The following GLCE variants were observed in gnomAD, a reference collection of about 807,000 sequenced individuals.
GLCE encodes glucuronic acid epimerase.
Under a neutral mutation model 47.9 loss-of-function variants are expected in GLCE, and 19 were observed. The observed-to-expected ratio is 0.40, with a 90% confidence interval of 0.28 to 0.58. GLCE has a LOEUF of 0.58. Ranked by LOEUF, GLCE falls within the 20% of genes least tolerant of loss-of-function variation. GLCE has a pLI of 0.48. For missense variants in GLCE, 556 were observed against 743.3 expected (o/e 0.75, Z 2.93); for synonymous variants, 245 against 263.4 (o/e 0.93, Z 0.68).
intron 1 of GLCE, among the ~76,000 whole-genome samples, chr15:69,198,743 C>CA (rs1303954995): frequency 1.3e-5 from 2 of 152,150 alleles, no homozygotes; most frequent in East Asian, 3.9e-4. Flanking sequence ...AAAATTGAGA[C>CA]AGAGTCTTAC....
chr15:69,195,440 TTG>T (rs933774388), intron 1 of GLCE, among the ~76,000 whole-genome samples: 110 of 151,648 alleles, frequency 7.3e-4, no homozygotes, highest in Non-Finnish European at 1.1e-3. Context: ...TCCTTAGAGT[TTG>T]TGTGTGTGTG....
chr15:69,208,059 G>A (rs1435744380), intron 1 of GLCE, among the ~76,000 whole-genome samples: 1 of 151,920 alleles, frequency 6.6e-6, no homozygotes, highest in African/African-American at 2.4e-5. Context: ...TGTTCCATAA[G>A]CGATTTGCAG....
At chr15:69,262,150 G>A (rs2053024262) in intron 4 of GLCE, among the ~76,000 whole-genome samples, 1 of 152,168 alleles carries the variant, frequency 6.6e-6, no homozygotes, top group Non-Finnish European at 1.5e-5. Context: ...CTTCATTGAT[G>A]ACTGTGTAAT....
intron 1 of GLCE, among the ~76,000 whole-genome samples, chr15:69,195,464 A>G (rs935680585): frequency 1.3e-5 from 2 of 152,086 alleles, no homozygotes; most frequent in Non-Finnish European, 2.9e-5. Flanking sequence ...GTTTGTGTGT[A>G]TTAACAAAAT....
chr15:69,262,220 A>G (rs2053025101), intron 4 of GLCE, among the ~76,000 whole-genome samples: 2 of 152,236 alleles, frequency 1.3e-5, no homozygotes, highest in Non-Finnish European at 2.9e-5. Context: ...TAAGTAATGA[A>G]TTTATGAGTA....
Position 69,218,220 on chromosome 15 carries a change from G to A in GLCE, c.-14+7814G>A, listed in dbSNP as rs1049461253. ...TACTATATTGCTTCTTCTAAGACTAGAAAAATAGGCCAGGCACAGTGGCTC... is the reference window on the plus strand; with the variant it reads ...TACTATATTGCTTCTTCTAAGACTAAAAAAATAGGCCAGGCACAGTGGCTC... On this transcript the variant is annotated intron_variant, in intron 2 of 4. Transcript: ENST00000261858. Among the ~76,000 whole-genome samples the A allele has an allele frequency of 1.2e-4, 18 of 146,890 alleles. No homozygotes were observed. In the South Asian group the frequency reaches 3.7e-3, roughly 30 times the overall value.
chr15:69,264,944 A>G (rs2053064979), intron 4 of GLCE, among the ~76,000 whole-genome samples: 1 of 152,144 alleles, frequency 6.6e-6, no homozygotes, highest in African/African-American at 2.4e-5. Context: ...ACCTCTTATC[A>G]GATATATGTT....
intron 4 of GLCE, chr15:69,266,943 A>G (rs946730759): frequency 1.3e-5 from 2 of 152,334 alleles, no homozygotes; most frequent in Non-Finnish European, 1.5e-5. Context: ...TTAAGTATCA[A>G]GTGAGATAAT....
intron 2 of GLCE, among the ~76,000 whole-genome samples, chr15:69,236,962 C>T (rs987587527): frequency 4.6e-5 from 7 of 152,144 alleles, no homozygotes; most frequent in Admixed American, 2.0e-4. Context: ...GTCCCCACTT[C>T]CCAGTCTCTT....
At chr15:69,228,899 G>A (rs1006975939) in intron 2 of GLCE, among the ~76,000 whole-genome samples, 1 of 152,072 alleles carries the variant, frequency 6.6e-6, no homozygotes, top group Non-Finnish European at 1.5e-5. Context: ...TGTTGCCCAG[G>A]CTGGTCTCAA....
rs1273152662 is a variant in GLCE, at chr15:69,269,998, AACC to A, written c.*755_*757del. On this transcript the variant is annotated 3_prime_UTR_variant, in exon 5 of 5. Transcript: ENST00000261858. ...TTTGATAATCAGTATATCCCTTCCCAACCCCCATTGTGACAGTTTCTTTTTGTC... is the reference window on the plus strand; with the variant it reads ...TTTGATAATCAGTATATCCCTTCCCACCCATTGTGACAGTTTCTTTTTGTC... The A allele has an allele frequency of 6.6e-6, 1 of 152,598 alleles. No homozygotes were observed. Among genetic ancestry groups the A allele is most frequent in the Non-Finnish European group, 1.5e-5 (1 of 68,028 alleles). 9.5% of individuals were successfully genotyped at this position (152,598 alleles called of 1,614,324 possible).
intron 1 of GLCE, among the ~76,000 whole-genome samples, chr15:69,173,087 G>A (rs995442483): frequency 6.6e-6 from 1 of 152,170 alleles, no homozygotes; most frequent in Non-Finnish European, 1.5e-5. Flanking sequence ...TGGTGAGTCA[G>A]TGGTTTATTA....
chr15:69,240,231 C>CTAGATATCTAGTAA (rs1566965603), intron 2 of GLCE, among the ~76,000 whole-genome samples: 1 of 149,740 alleles, frequency 6.7e-6, no homozygotes, highest in Non-Finnish European at 1.5e-5. Context: ...TATCAAACCG[C>CTAGATATCTAGTAA]CGAGATCCCG....
intron 1 of GLCE, among the ~76,000 whole-genome samples, chr15:69,182,144 T>C (rs2051757437): frequency 6.6e-6 from 1 of 151,988 alleles, no homozygotes; most frequent in African/African-American, 2.4e-5. Context: ...AATAGTTATG[T>C]AAGAGAGTGG....
chr15:69,234,330 G>A (rs998731717), intron 2 of GLCE, among the ~76,000 whole-genome samples: 9 of 151,742 alleles, frequency 5.9e-5, no homozygotes, highest in Admixed American at 2.6e-4. Flanking sequence ...TGGGGCCACC[G>A]TTCACACAGC....
rs2053158185 is a variant in GLCE at position 69,270,836 on chromosome 15, CTCT to C, written c.*1597_*1599del. 1 of 43,770 alleles carries C rather than the reference CTCT, an allele frequency of 2.3e-5. No individual in the cohort carries two copies. Among genetic ancestry groups the C allele is most frequent in the South Asian group, 1.1e-3 (1 of 924 alleles). The allele number at this position is 43,770 out of a possible 1,614,324, so 2.7% of individuals were successfully genotyped here. ...TGAACTCCCAATTGATGTGACCACACTCTTCTTAATTTTGTTCACAGTAAAAAC... is the reference window on the plus strand; with the variant it reads ...TGAACTCCCAATTGATGTGACCACACTCTTAATTTTGTTCACAGTAAAAAC... On this transcript the variant is annotated 3_prime_UTR_variant, in exon 5 of 5. Transcript: ENST00000261858.
rs35017106 is a variant in GLCE at position 69,176,216 on chromosome 15, G to GTTTTTTTTTTT, written c.-105+15473_-105+15483dup. On this transcript the variant is annotated intron_variant, in intron 1 of 4. Coordinates refer to ENST00000261858, the MANE Select transcript of GLCE (RefSeq NM_015554.3). ...ATCTAGTAGTTTTCAGTGGAACCTT[G>GTTTTTTTTTTT]TTTTTTTTTTTTTTTTTTTTTTTTG... Among the ~76,000 whole-genome samples, 20 of 63,410 alleles carry GTTTTTTTTTTT rather than the reference G, an allele frequency of 3.2e-4. 3 individuals are homozygous for GTTTTTTTTTTT. The highest frequency in any genetic ancestry group is 5.3e-4 in the East Asian group (1 of 1,894). The allele number at this position is 63,410 out of a possible 152,430, so 41.6% of individuals were successfully genotyped here. A position where few individuals can be genotyped will look rare whatever the true frequency, so the allele number is the denominator to read the frequency against.
At chr15:69,219,205 C>T (rs947153517) in intron 2 of GLCE, among the ~76,000 whole-genome samples, 1 of 151,872 alleles carries the variant, frequency 6.6e-6, no homozygotes, top group Non-Finnish European at 1.5e-5. Flanking sequence ...ATAGTCCAGT[C>T]ATTATTTAGT....
At chr15:69,181,056 GAAA>G (rs982669197) in intron 1 of GLCE, among the ~76,000 whole-genome samples, 1 of 152,070 alleles carries the variant, frequency 6.6e-6, no homozygotes, top group Admixed American at 6.5e-5. Flanking sequence ...AGCAGGGAGA[GAAA>G]AAAGAGGGAG....
Sources: gnomAD v4.1 joint callset for allele counts (sites outside exome capture counted in the v4.1 genomes callset) on GRCh38, gnomAD v4.1.1 for gene constraint, MANE v1.5 for transcripts, NCBI Gene and HGNC (gene_info 2026-07-23, HGNC 2026-07-21) for gene names.